Variants in MCM9 observed in about 807,000 individuals in gnomAD.
The protein encoded by MCM9 is DNA helicase MCM9.
Under a neutral mutation model 72.8 loss-of-function variants are expected in MCM9, and 55 were observed. That is an observed-to-expected ratio of 0.76 (90% CI 0.61 to 0.95). MCM9 has a LOEUF of 0.95. MCM9 is among the 40% of genes least tolerant of loss of function. The pLI is 0.00. For missense variants in MCM9, 1,279 were observed against 1,377.0 expected, an observed-to-expected ratio of 0.93 and a Z score of 1.13; for synonymous variants, 480 against 503.4, an observed-to-expected ratio of 0.95 and a Z score of 0.62.
At position 118,923,797 on chromosome 6, in the gene MCM9, AT is replaced by A. The variant is rs1156963498; in HGVS notation, c.621+13del. ...TTCTTCAAATTTATTTATCTCGTTT[AT>A]GTGATTATTTACCTGTTCCTGAATT... On this transcript the variant is annotated intron_variant, in intron 4 of 13. Coordinates refer to ENST00000619706, the MANE Select transcript of MCM9 (RefSeq NM_017696.3). 1 of 1,607,076 alleles carries A rather than the reference AT, an allele frequency of 6.2e-7. No homozygotes were observed. The highest frequency in any genetic ancestry group is 8.5e-7 in the Non-Finnish European group (1 of 1,174,362).
intron 8 of MCM9, chr6:118,900,648 C>A: frequency 1.4e-6 from 1 of 722,040 alleles, no homozygotes; most frequent in Non-Finnish European, 2.5e-6. Context: ...TTCTGGATTG[C>A]TATGAGAAGC....
At chr6:118,861,346 T>C (rs1262239986) in intron 8 of MCM9, among the ~76,000 whole-genome samples, 1 of 152,216 alleles carries the variant, frequency 6.6e-6, no homozygotes, top group Non-Finnish European at 1.5e-5. Context: ...CTAAAAGGGC[T>C]GCAGCTCTTC....
At chr6:118,822,355 T>G (rs1052175229) in intron 13 of MCM9, among the ~76,000 whole-genome samples, 1 of 152,168 alleles carries the variant, frequency 6.6e-6, no homozygotes, top group Non-Finnish European at 1.5e-5. Flanking sequence ...TGTTTGCTAG[T>G]TTTTCTTCTA....
chr6:118,815,531 T>C lies in MCM9; in HGVS notation c.2725A>G (p.Asn909Asp). 6.5e-7 allele frequency: 1 copy of C among 1,547,848 alleles called. No individual in the cohort carries two copies. Among genetic ancestry groups the C allele is most frequent in the Non-Finnish European group, 8.7e-7 (1 of 1,146,276 alleles). Reference protein sequence around the residue: ...LAQVEEPAIENVKPPGSPVAK... With the variant: ...LAQVEEPAIEDVKPPGSPVAK... The stretch of plus-strand genomic sequence containing the variant: ...ACAGGGGAACCTGGAGGCTTAACAT[T>C]TTCAATTGCAGGCTCTTCCACTTGC... The change falls in exon 14 of 14, where the codon AAT becomes GAT. Residue 909 changes from asparagine to aspartate, a missense_variant. Physicochemically the swap from Asn to Asp is conservative, Grantham distance 23 (BLOSUM62 1). Transcript: ENST00000619706.
At chr6:118,933,522 G>C (rs1032136382) in intron 1 of MCM9, among the ~76,000 whole-genome samples, 2 of 150,614 alleles carry the variant, frequency 1.3e-5, no homozygotes, top group African/African-American at 4.9e-5. Context: ...AAAAAAAAGA[G>C]AGAAACACTT....
intron 8 of MCM9, among the ~76,000 whole-genome samples, chr6:118,879,513 A>C (rs1778150705): frequency 6.6e-6 from 1 of 152,230 alleles, no homozygotes; most frequent in African/African-American, 2.4e-5. Flanking sequence ...AATGTGGCCT[A>C]GCTACCTGTT....
intron 8 of MCM9, among the ~76,000 whole-genome samples, chr6:118,863,628 T>C (rs1777040104): frequency 6.6e-6 from 1 of 152,200 alleles, no homozygotes; most frequent in African/African-American, 2.4e-5. Flanking sequence ...AACTATGGTA[T>C]TTGAGAGGTG....
chr6:118,916,408 T>C (rs1047551495), intron 6 of MCM9, among the ~76,000 whole-genome samples: 5 of 148,430 alleles, frequency 3.4e-5, no homozygotes, highest in African/African-American at 1.2e-4. Context: ...AAAATAAAAC[T>C]ATCCCTATTT....
intron 8 of MCM9, among the ~76,000 whole-genome samples, chr6:118,897,732 A>G (rs1327152235): frequency 1.3e-5 from 2 of 152,140 alleles, no homozygotes; most frequent in African/African-American, 4.8e-5. Flanking sequence ...AAATAAATGA[A>G]CAAATTTCTT....
chr6:118,821,525 C>T (rs185272933), intron 13 of MCM9, among the ~76,000 whole-genome samples: 6 of 152,160 alleles, frequency 3.9e-5, no homozygotes, highest in Non-Finnish European at 7.3e-5. Flanking sequence ...TGTAGGTAAC[C>T]TGACCTTTCT....
At chr6:118,841,311 G>A (rs1036699199) in intron 9 of MCM9, among the ~76,000 whole-genome samples, 7 of 152,066 alleles carry the variant, frequency 4.6e-5, no homozygotes, top group Non-Finnish European at 5.9e-5. Context: ...GCCCCCTAGG[G>A]GTCAGGGACC....
At chr6:118,826,405 C>CCTG in intron 12 of MCM9, 113 bp from the exon 13 acceptor site, 1 of 1,092,074 alleles carries the variant, frequency 9.2e-7, no homozygotes, top group Non-Finnish European at 1.3e-6. Flanking sequence ...CACCCCTATA[C>CCTG]TGGGTATGAA....
rs1364968346 is a variant in MCM9, at chr6:118,913,344, C to T, written c.981G>A (p.Val327=). The change falls in exon 7 of 14, where the codon GTG becomes GTA. Residue 327 remains valine (V), a synonymous_variant. Coordinates refer to ENST00000619706, the MANE Select transcript of MCM9 (RefSeq NM_017696.3). ...MYLVKLAVAM[V]LAGGIQRTDA... The stretch of plus-strand genomic sequence containing the variant: ...CAGTCCTTTGAATCCCACCAGCCAG[C>T]ACCATGGCCACAGCAAGCTTTACTA... The T allele has an allele frequency of 2.5e-6, 4 of 1,614,156 alleles. No homozygotes were observed. In the East Asian group the frequency reaches 8.9e-5, roughly 36 times the overall value.
intron 9 of MCM9, among the ~76,000 whole-genome samples, chr6:118,846,586 C>T (rs139700108): frequency 0.03 from 4,514 of 151,584 alleles, 328 homozygotes; most frequent in African/African-American, 0.1. Context: ...GGAAGGATCC[C>T]GGAGTAGATA....
chr6:118,888,085 T>A (rs1778711137), intron 8 of MCM9, among the ~76,000 whole-genome samples: 1 of 152,150 alleles, frequency 6.6e-6, no homozygotes, highest in African/African-American at 2.4e-5. Context: ...AGATACTATG[T>A]CACACACCAC....
intron 8 of MCM9, chr6:118,894,196 G>T: frequency 1.5e-6 from 2 of 1,369,684 alleles, no homozygotes; most frequent in Non-Finnish European, 1.9e-6. Flanking sequence ...CTACTTATCA[G>T]AGCAGAATGG....
intron 7 of MCM9, chr6:118,912,242 A>G (rs568520779): frequency 2.6e-5 from 4 of 152,422 alleles, no homozygotes; most frequent in South Asian, 2.1e-4. Context: ...TACAAGTCAT[A>G]TAAGTATTTT....
intron 3 of MCM9, among the ~76,000 whole-genome samples, chr6:118,928,303 C>T (rs766268028): frequency 2.6e-5 from 4 of 151,932 alleles, no homozygotes; most frequent in Non-Finnish European, 5.9e-5. Flanking sequence ...CCCAGCTACT[C>T]GGGAGGCTGA....
At chr6:118,875,621 G>A (rs954762216) in intron 8 of MCM9, among the ~76,000 whole-genome samples, 2 of 149,858 alleles carry the variant, frequency 1.3e-5, no homozygotes, top group African/African-American at 4.9e-5. Context: ...GGGCAACAGA[G>A]TGAGACCCTG....
Sources: allele counts gnomAD v4.1 joint callset (sites outside exome capture counted in the v4.1 genomes callset), GRCh38; gene constraint gnomAD v4.1.1; transcripts MANE v1.5; gene names NCBI Gene and HGNC (gene_info 2026-07-23, HGNC 2026-07-21).